The following FAM178B variants were observed in gnomAD, a reference collection of about 807,000 sequenced individuals.
FAM178B encodes protein FAM178B.
Under a neutral mutation model 91.7 loss-of-function variants are expected in FAM178B, and 82 were observed. The ratio of observed to expected loss-of-function variants is 0.89; its 90% CI spans 0.75 to 1.07. The LOEUF (loss-of-function observed/expected upper bound fraction) is 1.07. Among genes scored for constraint, FAM178B ranks in the 50% least tolerant of loss-of-function variants. FAM178B has a pLI of 0.00. For synonymous variants in FAM178B, 368 were observed against 359.4 expected (o/e 1.02, Z -0.27); for missense variants, 769 against 846.7 (o/e 0.91, Z 1.14).
At chr2:96,971,629 G>A (rs2082219221) in intron 3 of FAM178B, among the ~76,000 whole-genome samples, 1 of 152,070 alleles carries the variant, frequency 6.6e-6, no homozygotes, top group Non-Finnish European at 1.5e-5. Context: ...AGCCTCAAGG[G>A]GCCCCATGAA....
chr2:96,927,699 C>T (rs369241863), intron 9 of FAM178B, among the ~76,000 whole-genome samples: 32 of 152,312 alleles, frequency 2.1e-4, no homozygotes, highest in South Asian at 2.1e-3. Context: ...AAGGGCAAGC[C>T]GCAGTCAAAT....
chr2:96,914,912 C>G (rs568582458), intron 12 of FAM178B, among the ~76,000 whole-genome samples: 1 of 151,618 alleles, frequency 6.6e-6, no homozygotes, highest in South Asian at 2.1e-4. Context: ...AAGACCTTAT[C>G]TTTTTAGAGA....
chr2:96,911,351 G>C (rs1254151168), intron 12 of FAM178B, among the ~76,000 whole-genome samples: 3 of 152,228 alleles, frequency 2.0e-5, no homozygotes, highest in Non-Finnish European at 4.4e-5. Flanking sequence ...AGGACAATGG[G>C]AAGAGGCCTC....
At chr2:96,882,555 C>T (rs369868709) in intron 14 of FAM178B, among the ~76,000 whole-genome samples, 24 of 152,346 alleles carry the variant, frequency 1.6e-4, no homozygotes, top group African/African-American at 5.8e-4. Context: ...TCCTGGCTGG[C>T]ACTACAGAGG....
At chr2:96,905,854 A>ATG (rs2081039366) in intron 12 of FAM178B, among the ~76,000 whole-genome samples, 1 of 21,664 alleles carries the variant, frequency 4.6e-5, no homozygotes, top group African/African-American at 2.3e-4. Flanking sequence ...ATATATATAT[A>ATG]TATATATTTT....
At chr2:96,961,095 G>A (rs1472522103) in intron 5 of FAM178B, among the ~76,000 whole-genome samples, 1 of 152,152 alleles carries the variant, frequency 6.6e-6, no homozygotes, top group Non-Finnish European at 1.5e-5. Context: ...TTTAGTGGAT[G>A]GGAGCTGGCC....
intron 8 of FAM178B, among the ~76,000 whole-genome samples, chr2:96,941,073 T>C (rs78131290): frequency 0.042 from 6,468 of 152,278 alleles, 276 homozygotes; most frequent in African/African-American, 0.1. Flanking sequence ...AAATACGGTA[T>C]AGATAAACAT....
At chr2:96,880,469 C>T (rs1204907599) in intron 14 of FAM178B, among the ~76,000 whole-genome samples, 2 of 152,214 alleles carry the variant, frequency 1.3e-5, no homozygotes, top group Non-Finnish European at 2.9e-5. Context: ...TACTAGGTAG[C>T]AGGAAAATGA....
At chr2:96,961,506 A>G (rs1292263650) in intron 5 of FAM178B, among the ~76,000 whole-genome samples, 3 of 152,198 alleles carry the variant, frequency 2.0e-5, no homozygotes, top group Admixed American at 2.0e-4. Context: ...TTTACTTCAT[A>G]TAACTATGTT....
intron 14 of FAM178B, among the ~76,000 whole-genome samples, chr2:96,887,533 C>T (rs1467149893): frequency 2.0e-5 from 3 of 152,174 alleles, no homozygotes; most frequent in Non-Finnish European, 2.9e-5. Flanking sequence ...CTGGGCTCCG[C>T]AGGAAGGAGG....
rs531256889 is a variant in FAM178B at position 96,910,439 on chromosome 2, TCTC to T, written c.1563-7735_1563-7733del. Among the ~76,000 whole-genome samples, 5 of 152,238 alleles carry T rather than the reference TCTC, an allele frequency of 3.3e-5. No homozygotes were observed. In the South Asian group the frequency reaches 1.0e-3, roughly 32 times the overall value. On this transcript the variant is annotated intron_variant, in intron 12 of 16. Coordinates refer to ENST00000490605, the MANE Select transcript of FAM178B (RefSeq NM_001122646.3). ...TATTTGATTCCAAATGAAAAACTGT[TCTC>T]CTTGACAAAGACGGCAAAAGCAAAA...
chr2:96,950,893 C>T (rs556793294), intron 7 of FAM178B, among the ~76,000 whole-genome samples: 5 of 152,300 alleles, frequency 3.3e-5, no homozygotes, highest in Non-Finnish European at 7.4e-5. Flanking sequence ...ACGAGGGATC[C>T]AAACCAGGCA....
chr2:96,960,484 C>A (rs1210977992), intron 5 of FAM178B, 44 bp from the exon 6 acceptor site: 7 of 1,501,634 alleles, frequency 4.7e-6, no homozygotes, highest in Admixed American at 4.2e-5. Context: ...AGCAGATGCA[C>A]CTCGGCCTGA....
chr2:96,886,270 G>A (rs1167610269), intron 14 of FAM178B, among the ~76,000 whole-genome samples: 1 of 152,254 alleles, frequency 6.6e-6, no homozygotes, highest in African/African-American at 2.4e-5. Flanking sequence ...GTGTATCCCA[G>A]GCTGGCCATT....
chr2:96,941,550 A>T (rs2081731081), intron 8 of FAM178B, among the ~76,000 whole-genome samples: 1 of 152,238 alleles, frequency 6.6e-6, no homozygotes, highest in South Asian at 2.1e-4. Context: ...AAGCATGATC[A>T]AGTGAGGAAG....
At chr2:96,896,769 G>A (rs1474974092) in intron 13 of FAM178B, among the ~76,000 whole-genome samples, 1 of 152,204 alleles carries the variant, frequency 6.6e-6, no homozygotes, top group African/African-American at 2.4e-5. Flanking sequence ...TGCCCTGCCT[G>A]GGCCTTCTGA....
At chr2:96,968,337 C>T (rs528939684) in intron 4 of FAM178B, among the ~76,000 whole-genome samples, 12 of 152,148 alleles carry the variant, frequency 7.9e-5, no homozygotes, top group African/African-American at 2.6e-4. Context: ...CCACAATAGG[C>T]CCCACACACC....
intron 5 of FAM178B, among the ~76,000 whole-genome samples, chr2:96,963,216 A>G (rs1205334421): frequency 6.6e-6 from 1 of 152,250 alleles, no homozygotes; most frequent in Non-Finnish European, 1.5e-5. Flanking sequence ...AAAGATACAG[A>G]GCTGGAAGAA....
At chr2:96,926,904 G>C (rs1472736159) in intron 9 of FAM178B, among the ~76,000 whole-genome samples, 1 of 152,236 alleles carries the variant, frequency 6.6e-6, no homozygotes, top group Non-Finnish European at 1.5e-5. Flanking sequence ...GCCATTGTGA[G>C]GCACTGTGGG....
Sources: gnomAD v4.1 joint callset for allele counts (sites outside exome capture counted in the v4.1 genomes callset) on GRCh38, gnomAD v4.1.1 for gene constraint, MANE v1.5 for transcripts, NCBI Gene and HGNC (gene_info 2026-07-23, HGNC 2026-07-21) for gene names.